Variants in NSF observed in about 807,000 individuals in gnomAD.
NSF encodes the protein vesicle-fusing ATPase.
A neutral mutation model predicts 50.3 loss-of-function variants in NSF; 14 were observed. The observed-to-expected ratio is 0.28, with a 90% CI of 0.18 to 0.44. The LOEUF is 0.44. NSF is among the 20% of genes least tolerant of loss of function. The pLI, the probability that NSF is intolerant of heterozygous loss-of-function variation, is 1.00. For synonymous variants in NSF, 109 were observed against 175.7 expected (o/e 0.62, Z 3.00); for missense variants, 218 against 504.3 (o/e 0.43, Z 5.44).
intron 18 of NSF, 145 bp from the exon 19 acceptor site, chr17:46,751,358 G>T: frequency 1.5e-6 from 1 of 648,358 alleles, no homozygotes; most frequent in South Asian, 2.0e-5. Flanking sequence ...GTGAAGGTCA[G>T]ACTGGATTTT....
At chr17:46,725,631 A>C (rs1193726349) in intron 15 of NSF, among the ~76,000 whole-genome samples, 1 of 152,188 alleles carries the variant, frequency 6.6e-6, no homozygotes, top group Non-Finnish European at 1.5e-5. Flanking sequence ...TTCTGTACCT[A>C]ATTATAAGTC....
chr17:46,716,065 A>G (rs2058765665), intron 15 of NSF, among the ~76,000 whole-genome samples: 1 of 152,196 alleles, frequency 6.6e-6, no homozygotes, highest in Non-Finnish European at 1.5e-5. Flanking sequence ...GTTTCTTAGA[A>G]ATATATTAGA....
chr17:46,746,190 T>G (rs1214893172), intron 17 of NSF, among the ~76,000 whole-genome samples: 1 of 152,218 alleles, frequency 6.6e-6, no homozygotes, highest in Non-Finnish European at 1.5e-5. Flanking sequence ...GCATTTGATT[T>G]TTTCCTAGTT....
intron 13 of NSF, among the ~76,000 whole-genome samples, chr17:46,709,151 G>GTCC (rs1455480136): frequency 1.3e-5 from 2 of 151,992 alleles, no homozygotes; most frequent in African/African-American, 4.8e-5. Context: ...ATAATTATTT[G>GTCC]TTCCAAGTAT....
chr17:46,708,536 G>A (rs1424759679), intron 13 of NSF, among the ~76,000 whole-genome samples: 1 of 140,432 alleles, frequency 7.1e-6, no homozygotes, highest in African/African-American at 2.6e-5. Context: ...CTGTCACCCA[G>A]GCTGGAGTGC....
chr17:46,749,439 C>CCATA (rs1440224075), intron 17 of NSF, among the ~76,000 whole-genome samples: 1 of 152,194 alleles, frequency 6.6e-6, no homozygotes, highest in African/African-American at 2.4e-5. Context: ...CCAATTCCCA[C>CCATA]CATACATGTG....
rs147645851 is a variant in NSF at position 46,609,827 on chromosome 17, CT to C, written c.13-14401del. ...AATATTCTCGGGTGTCTCACTGTTT[CT>C]TTTTTTTTTTTTTTTGAGATAGGGT... On this transcript the variant is annotated intron_variant, in intron 1 of 20. Transcript: ENST00000398238. Among the ~76,000 whole-genome samples, 172 of 123,294 alleles carry C rather than the reference CT, an allele frequency of 1.4e-3. 1 individual carries two copies. The highest frequency in any genetic ancestry group is 4.5e-3 in the Middle Eastern group (1 of 220). 80.9% of individuals were successfully genotyped at this position (123,294 alleles called of 152,430 possible).
Position 46,667,460 on chromosome 17 carries a change from CT to C in NSF, c.746-6938del, listed in dbSNP as rs779369132. Reference sequence around the variant, plus strand: ...GATAGACGATGTCAGGTTTGATTTTCTTTTTTTTTTTTTTTTAAGAAATCTT... The same window carrying C: ...GATAGACGATGTCAGGTTTGATTTTCTTTTTTTTTTTTTTTAAGAAATCTT... On this transcript the variant is annotated intron_variant, in intron 8 of 20. Coordinates refer to ENST00000398238, the MANE Select transcript of NSF (RefSeq NM_006178.4). 4.8e-3 allele frequency among the ~76,000 whole-genome samples: 614 copies of C among 128,100 alleles called. 27 individuals carry two copies. The highest frequency in any genetic ancestry group is 9.3e-3 in the African/African-American group (339 of 36,334). 84.0% of individuals were successfully genotyped at this position (128,100 alleles called of 152,430 possible). A position where few individuals can be genotyped will look rare whatever the true frequency, so the allele number is the denominator to read the frequency against.
At chr17:46,602,642 T>A (rs1474419450) in intron 1 of NSF, 1 of 119,262 alleles carries the variant, frequency 8.4e-6, no homozygotes, top group Middle Eastern at 4.3e-3. Flanking sequence ...TTTAGTGTTA[T>A]GTGCTGACAA....
intron 17 of NSF, among the ~76,000 whole-genome samples, chr17:46,744,233 T>C (rs1489145640): frequency 6.6e-6 from 1 of 152,254 alleles, no homozygotes; most frequent in African/African-American, 2.4e-5. Context: ...ATTAAGTACC[T>C]AAAAGGAGTA....
intron 15 of NSF, among the ~76,000 whole-genome samples, chr17:46,717,697 G>A (rs1275852683): frequency 6.6e-6 from 1 of 152,186 alleles, no homozygotes; most frequent in Non-Finnish European, 1.5e-5. Flanking sequence ...GGGCGACAGA[G>A]CAAGACTCCA....
chr17:46,749,862 C>G lies in NSF; in HGVS notation c.1998C>G (p.His666Gln), dbSNP rs371727681. ...TTAACGCTTTCAGCACCACCATCCA[C>G]GTGCCCAACATTGCCACAGGAGAGC... The part of the protein sequence containing the change: ...EMLNAFSTTI[H>Q]VPNIATGEQL... The change falls in exon 18 of 21, where the codon CAC becomes CAG. Residue 666 changes from histidine (H) to glutamine (Q), a missense_variant. Coordinates refer to ENST00000398238, the MANE Select transcript of NSF (RefSeq NM_006178.4). The G allele has an allele frequency of 6.2e-7, 1 of 1,614,140 alleles. No homozygotes were observed. The highest frequency in any genetic ancestry group is 8.5e-7 in the Non-Finnish European group (1 of 1,179,988).
intron 17 of NSF, among the ~76,000 whole-genome samples, chr17:46,736,132 C>T (rs1460718045): frequency 6.6e-6 from 1 of 152,164 alleles, no homozygotes; most frequent in East Asian, 1.9e-4. Context: ...CCTGCTTCCC[C>T]ATCTCTCATT....
chr17:46,750,614 A>G (rs190461435), intron 18 of NSF, among the ~76,000 whole-genome samples: 1 of 152,338 alleles, frequency 6.6e-6, no homozygotes, highest in Admixed American at 6.5e-5. Flanking sequence ...TATACATGAC[A>G]GTGAGTTAAT....
chr17:46,744,646 G>C (rs2059110055), intron 17 of NSF, among the ~76,000 whole-genome samples: 1 of 151,880 alleles, frequency 6.6e-6, no homozygotes, highest in Admixed American at 6.6e-5. Context: ...TCTTCCACTT[G>C]AACTTTTGTT....
intron 9 of NSF, among the ~76,000 whole-genome samples, chr17:46,690,655 G>A (rs1206921927): frequency 1.6e-5 from 2 of 123,068 alleles, no homozygotes; most frequent in East Asian, 4.4e-4. Context: ...TATAGGGATG[G>A]GAAAGGGTTT....
chr17:46,713,810 TAGGTTGGC>T (rs2058741802), intron 14 of NSF, 35 bp from the exon 15 acceptor site: 6 of 1,592,900 alleles, frequency 3.8e-6, no homozygotes, highest in Non-Finnish European at 5.1e-6. Context: ...TCCCTTTGCT[TAGGTTGGC>T]TTTTTTCCCC....
At chr17:46,727,135 G>A (rs991431897) in intron 16 of NSF, among the ~76,000 whole-genome samples, 4 of 151,984 alleles carry the variant, frequency 2.6e-5, no homozygotes, top group Non-Finnish European at 4.4e-5. Flanking sequence ...GACAAAAATG[G>A]GATAATAAAT....
At chr17:46,703,698 A>AC (rs1555673489) in intron 12 of NSF, among the ~76,000 whole-genome samples, 36 of 149,802 alleles carry the variant, frequency 2.4e-4, no homozygotes, top group African/African-American at 8.4e-4. Context: ...AAAAAAAAAA[A>AC]AAAAAACAAA....
Sources: allele counts gnomAD v4.1 joint callset (sites outside exome capture counted in the v4.1 genomes callset), GRCh38; gene constraint gnomAD v4.1.1; transcripts MANE v1.5; gene names NCBI Gene and HGNC (gene_info 2026-07-23, HGNC 2026-07-21).